OPCML: variants seen among roughly 807,000 people sequenced by gnomAD.
OPCML encodes opioid binding protein/cell adhesion molecule like, also known as opioid-binding protein/cell adhesion molecule.
OPCML carries 13 observed loss-of-function variants against 37.8 expected under a neutral mutation model. The observed-to-expected ratio is 0.34, with a 90% CI of 0.22 to 0.55. The LOEUF (loss-of-function observed/expected upper bound fraction) is 0.55, where lower values mean the gene tolerates loss of function less well. Ranked by LOEUF, OPCML falls within the 20% of genes least tolerant of loss-of-function variation. The pLI, the probability that OPCML is intolerant of heterozygous loss-of-function variation, is 0.91. For synonymous variants in OPCML, 176 were observed against 168.8 expected (o/e 1.04, Z -0.33); for missense variants, 341 against 435.6 (o/e 0.78, Z 1.93).
At chr11:132,499,678 C>T (rs1221722406) in intron 4 of OPCML, among the ~76,000 whole-genome samples, 2 of 152,188 alleles carry the variant, frequency 1.3e-5, no homozygotes, top group Non-Finnish European at 2.9e-5. Flanking sequence ...CCTCTCTATG[C>T]CTCAGCATCC....
intron 2 of OPCML, among the ~76,000 whole-genome samples, chr11:132,885,066 C>G (rs542034986): frequency 6.6e-6 from 1 of 152,344 alleles, no homozygotes; most frequent in South Asian, 2.1e-4. Flanking sequence ...CCTCCACTCC[C>G]TCTTCCACCA....
chr11:133,117,497 T>C (rs939634679), intron 1 of OPCML, among the ~76,000 whole-genome samples: 4 of 152,110 alleles, frequency 2.6e-5, no homozygotes, highest in African/African-American at 9.7e-5. Context: ...AGATGCCCAA[T>C]TCTCCCTCTC....
At chr11:132,742,970 A>G (rs1456932973) in intron 2 of OPCML, among the ~76,000 whole-genome samples, 1 of 152,064 alleles carries the variant, frequency 6.6e-6, no homozygotes, top group Non-Finnish European at 1.5e-5. Context: ...CGTCCTACTA[A>G]ACATTTTCTC....
intron 1 of OPCML, among the ~76,000 whole-genome samples, chr11:133,048,589 CTT>C (rs964765699): frequency 1.3e-5 from 2 of 152,190 alleles, no homozygotes; most frequent in African/African-American, 4.8e-5. Flanking sequence ...GAAAGTCTCT[CTT>C]TGTCTGTGCC....
chr11:133,026,314 T>G (rs1041847358), intron 1 of OPCML: 1 of 920,918 alleles, frequency 1.1e-6, no homozygotes, highest in Non-Finnish European at 1.3e-6. Context: ...CTTGTTCAGC[T>G]GTCAACATTT....
intron 1 of OPCML, among the ~76,000 whole-genome samples, chr11:132,950,915 C>T (rs977578974): frequency 1.3e-5 from 2 of 152,176 alleles, no homozygotes; most frequent in South Asian, 2.1e-4. Context: ...AACAGGAAAA[C>T]GCTGCTCACT....
chr11:133,129,729 C>A (rs1042591745), intron 1 of OPCML, among the ~76,000 whole-genome samples: 1 of 151,978 alleles, frequency 6.6e-6, no homozygotes, highest in South Asian at 2.1e-4. Flanking sequence ...ATAGCAAGAA[C>A]CCATCTCTAC....
At chr11:132,476,209 A>G (rs2096154933) in intron 4 of OPCML, among the ~76,000 whole-genome samples, 3 of 152,196 alleles carry the variant, frequency 2.0e-5, no homozygotes, top group Admixed American at 6.5e-5. Context: ...GCCACCTTTA[A>G]AAAAGTGCTA....
intron 1 of OPCML, among the ~76,000 whole-genome samples, chr11:133,310,801 C>A (rs73602409): frequency 0.048 from 7,382 of 152,234 alleles, 203 homozygotes; most frequent in Middle Eastern, 0.071. Context: ...ACCTACAAGT[C>A]CTCACACAAT....
chr11:132,581,950 G>A (rs1450194916), intron 3 of OPCML, among the ~76,000 whole-genome samples: 1 of 152,090 alleles, frequency 6.6e-6, no homozygotes, highest in East Asian at 1.9e-4. Context: ...AACATGGGTA[G>A]AGTTGTAAAC....
At chr11:132,941,111 A>G (rs1017418120) in intron 2 of OPCML, among the ~76,000 whole-genome samples, 2 of 152,216 alleles carry the variant, frequency 1.3e-5, no homozygotes, top group African/African-American at 4.8e-5. Flanking sequence ...ACAAAAAGCA[A>G]CTATTCAGCT....
intron 2 of OPCML, among the ~76,000 whole-genome samples, chr11:132,937,695 G>A (rs1348000333): frequency 6.6e-6 from 1 of 151,370 alleles, no homozygotes; most frequent in South Asian, 2.1e-4. Context: ...ACGGACTCAA[G>A]CCAGCCTTGC....
chr11:133,146,319 T>C (rs2137178649), intron 1 of OPCML, among the ~76,000 whole-genome samples: 1 of 150,516 alleles, frequency 6.6e-6, no homozygotes, highest in African/African-American at 2.4e-5. Context: ...TTTCTTTTTT[T>C]TTTTTTTTTT....
Position 132,417,769 on chromosome 11 carries a change from T to C in OPCML, c.*2424A>G, listed in dbSNP as rs938238615. 1 of 152,186 alleles carries C rather than the reference T, an allele frequency of 6.6e-6. No individual in the cohort carries two copies. The highest frequency in any genetic ancestry group is 1.5e-5 in the Non-Finnish European group (1 of 68,032). 9.4% of individuals were successfully genotyped at this position (152,186 alleles called of 1,614,324 possible). A position where few individuals can be genotyped will look rare whatever the true frequency, so the allele number is the denominator to read the frequency against. On this transcript the variant is annotated 3_prime_UTR_variant, in exon 8 of 8. Transcript: ENST00000524381. ...TTCTCATACACTATCTGACACCAAC[T>C]CAACTCCAGATGCTGAAGGTGGTGA...
chr11:132,431,238 C>T (rs1015367197), intron 7 of OPCML, among the ~76,000 whole-genome samples: 14 of 152,176 alleles, frequency 9.2e-5, no homozygotes, highest in Admixed American at 6.5e-4. Context: ...CCATTGTTTC[C>T]CAAATTCAGC....
At chr11:133,376,373 G>C (rs919414850) in intron 1 of OPCML, among the ~76,000 whole-genome samples, 5 of 152,172 alleles carry the variant, frequency 3.3e-5, no homozygotes, top group Non-Finnish European at 7.4e-5. Context: ...GGATTAGTTA[G>C]ATAACTATGA....
intron 1 of OPCML, among the ~76,000 whole-genome samples, chr11:133,282,018 C>T (rs894712004): frequency 1.4e-5 from 2 of 141,104 alleles, no homozygotes; most frequent in Non-Finnish European, 3.1e-5. Flanking sequence ...GGAACAACAA[C>T]AACAACAAAA....
chr11:132,585,102 G>A (rs944356304), intron 3 of OPCML, among the ~76,000 whole-genome samples: 4 of 152,068 alleles, frequency 2.6e-5, no homozygotes, highest in African/African-American at 7.2e-5. Flanking sequence ...ATGTAAGGAG[G>A]CAGCTTTGGG....
intron 4 of OPCML, among the ~76,000 whole-genome samples, chr11:132,468,201 A>G (rs1003774438): frequency 6.6e-6 from 1 of 152,138 alleles, no homozygotes; most frequent in African/African-American, 2.4e-5. Flanking sequence ...ACCTATGTGA[A>G]TGGCCAGTGC....
Sources: allele counts gnomAD v4.1 joint callset (sites outside exome capture counted in the v4.1 genomes callset), GRCh38; gene constraint gnomAD v4.1.1; transcripts MANE v1.5; gene names NCBI Gene and HGNC (gene_info 2026-07-23, HGNC 2026-07-21).